GAP43: variants seen among roughly 807,000 people sequenced by gnomAD.
GAP43 encodes the protein neuromodulin.
In GAP43, 6 loss-of-function variants were observed where a neutral mutation model predicts 18.6. The observed-to-expected ratio is 0.32, with a 90% CI of 0.18 to 0.64. The LOEUF (loss-of-function observed/expected upper bound fraction) is 0.64, where lower values mean the gene tolerates loss of function less well. Ranked by LOEUF, GAP43 falls within the 30% of genes least tolerant of loss-of-function variation. The pLI, the probability that GAP43 is intolerant of heterozygous loss-of-function variation, is 0.78. For synonymous variants in GAP43, 115 were observed against 111.4 expected (o/e 1.03, Z -0.20); for missense variants, 292 against 295.5 (o/e 0.99, Z 0.09).
intron 1 of GAP43, among the ~76,000 whole-genome samples, chr3:115,660,455 G>A (rs577849888): frequency 6.6e-5 from 10 of 152,276 alleles, no homozygotes; most frequent in African/African-American, 2.4e-4. Context: ...AAATCTCCTA[G>A]TCAACTCCCT....
At chr3:115,640,388 C>A (rs1193405179) in intron 1 of GAP43, among the ~76,000 whole-genome samples, 1 of 152,026 alleles carries the variant, frequency 6.6e-6, no homozygotes, top group Non-Finnish European at 1.5e-5. Flanking sequence ...TTTTGAGAGA[C>A]CCGCCAGTCA....
chr3:115,643,684 A>C (rs1708425462), intron 1 of GAP43, among the ~76,000 whole-genome samples: 1 of 151,922 alleles, frequency 6.6e-6, no homozygotes, highest in Non-Finnish European at 1.5e-5. Context: ...CCCTATGTAA[A>C]ATGGCACCCC....
intron 2 of GAP43, among the ~76,000 whole-genome samples, chr3:115,711,253 C>T (rs73136465): frequency 0.062 from 9,420 of 152,038 alleles, 424 homozygotes; most frequent in Non-Finnish European, 0.089. Context: ...TGCACGTGCA[C>T]GCATGTATTT....
chr3:115,651,184 C>A (rs1708515351), intron 1 of GAP43, among the ~76,000 whole-genome samples: 1 of 152,066 alleles, frequency 6.6e-6, no homozygotes, highest in South Asian at 2.1e-4. Flanking sequence ...CACTGAGAAA[C>A]CTTTTATTAT....
chr3:115,696,012 A>AT, intron 2 of GAP43, among the ~76,000 whole-genome samples: 1 of 151,992 alleles, frequency 6.6e-6, no homozygotes, highest in Non-Finnish European at 1.5e-5. Flanking sequence ...GTTACCCCAC[A>AT]GCTAAGTTCT....
intron 1 of GAP43, among the ~76,000 whole-genome samples, chr3:115,628,642 T>A (rs561313273): frequency 6.6e-6 from 1 of 152,248 alleles, no homozygotes; most frequent in South Asian, 2.1e-4. Flanking sequence ...CCTTACTGGG[T>A]CTGCATGATA....
chr3:115,693,627 GT>G (rs1709143022), intron 2 of GAP43, among the ~76,000 whole-genome samples: 1 of 152,088 alleles, frequency 6.6e-6, no homozygotes. Flanking sequence ...TGTGCCTTTG[GT>G]ACCCTGCTCA....
At chr3:115,669,063 A>G (rs1490143749) in intron 1 of GAP43, among the ~76,000 whole-genome samples, 1 of 144,868 alleles carries the variant, frequency 6.9e-6, no homozygotes, top group Non-Finnish European at 1.5e-5. Context: ...AAAAAGAAAG[A>G]AAAAGTACAC....
At chr3:115,707,657 C>T (rs1282183841) in intron 2 of GAP43, among the ~76,000 whole-genome samples, 2 of 152,122 alleles carry the variant, frequency 1.3e-5, no homozygotes, top group Non-Finnish European at 2.9e-5. Flanking sequence ...CTACTTTGCG[C>T]ATCTAAAAAT....
chr3:115,661,740 G>A (rs930839491), intron 1 of GAP43, among the ~76,000 whole-genome samples: 11 of 151,442 alleles, frequency 7.3e-5, no homozygotes, highest in South Asian at 2.1e-4. Flanking sequence ...CACCCGCCTC[G>A]GCCTCCCAAA....
intron 2 of GAP43, among the ~76,000 whole-genome samples, chr3:115,700,614 C>T (rs1026258398): frequency 6.6e-6 from 1 of 152,060 alleles, no homozygotes; most frequent in Non-Finnish European, 1.5e-5. Context: ...GAATTTCTCT[C>T]TATATTATTA....
intron 2 of GAP43, among the ~76,000 whole-genome samples, chr3:115,699,357 C>A (rs1257807923): frequency 6.6e-6 from 1 of 152,164 alleles, no homozygotes; most frequent in African/African-American, 2.4e-5. Context: ...TCGTTCCCAA[C>A]CTTCCTTCCT....
intron 1 of GAP43, among the ~76,000 whole-genome samples, chr3:115,674,386 G>A (rs1205648073): frequency 6.6e-6 from 1 of 152,138 alleles, no homozygotes; most frequent in Non-Finnish European, 1.5e-5. Flanking sequence ...ATTTTATGTA[G>A]TTGCCTACAC....
intron 2 of GAP43, among the ~76,000 whole-genome samples, chr3:115,693,777 A>G (rs377587801): frequency 9.3e-6 from 1 of 107,358 alleles, no homozygotes; most frequent in South Asian, 3.2e-4. Context: ...CTAAAATAAA[A>G]TGATGGGGGC....
Position 115,697,134 on chromosome 3 carries a change from C to G in GAP43, c.628+20524C>G, listed in dbSNP as rs150689906. ...GATTACAGGCATGAGCCACCACACC[C>G]AGCCAATTTTGTTATTTTCATGGTG... On this transcript the variant is annotated intron_variant, in intron 2 of 2. Coordinates refer to ENST00000305124, the MANE Select transcript of GAP43 (RefSeq NM_002045.4). Among the ~76,000 whole-genome samples the G allele has an allele frequency of 6.0e-4, 92 of 152,238 alleles. 1 individual carries two copies. Among genetic ancestry groups the G allele is most frequent in the African/African-American group, 2.2e-3 (92 of 41,550 alleles).
intron 1 of GAP43, among the ~76,000 whole-genome samples, chr3:115,641,345 C>T (rs1438359): frequency 0.043 from 6,564 of 151,326 alleles, 352 homozygotes; most frequent in South Asian, 0.13. Flanking sequence ...TATGTGTGTG[C>T]GTGCACGTGT....
At chr3:115,646,433 G>T (rs1489848675) in intron 1 of GAP43, among the ~76,000 whole-genome samples, 1 of 152,072 alleles carries the variant, frequency 6.6e-6, no homozygotes, top group Non-Finnish European at 1.5e-5. Flanking sequence ...TGAAGAATAA[G>T]ACCTCAAGAT....
intron 2 of GAP43, among the ~76,000 whole-genome samples, chr3:115,680,576 A>T (rs912719808): frequency 6.6e-6 from 1 of 152,220 alleles, no homozygotes; most frequent in Non-Finnish European, 1.5e-5. Context: ...AATCATATTC[A>T]TAATCTCAAT....
intron 1 of GAP43, among the ~76,000 whole-genome samples, chr3:115,629,248 T>C (rs1188902528): frequency 6.6e-6 from 1 of 152,190 alleles, no homozygotes; most frequent in Admixed American, 6.5e-5. Flanking sequence ...TACCACCACA[T>C]TGTTCTTTAG....
Sources: gnomAD v4.1 joint callset for allele counts (sites outside exome capture counted in the v4.1 genomes callset) on GRCh38, gnomAD v4.1.1 for gene constraint, MANE v1.5 for transcripts, NCBI Gene and HGNC (gene_info 2026-07-23, HGNC 2026-07-21) for gene names.